Variants in RTN4RL1 observed in about 807,000 individuals in gnomAD.
The protein encoded by RTN4RL1 is reticulon-4 receptor-like 1.
RTN4RL1 carries 7 observed loss-of-function variants against 25.6 expected under a neutral mutation model. The observed-to-expected ratio is 0.27, with a 90% confidence interval of 0.16 to 0.51. RTN4RL1 has a LOEUF of 0.51. RTN4RL1 is among the 20% of genes least tolerant of loss of function. The pLI, the probability that RTN4RL1 is intolerant of heterozygous loss-of-function variation, is 0.97. For synonymous variants in RTN4RL1, 297 were observed against 288.2 expected (o/e 1.03, Z -0.31); for missense variants, 500 against 615.6 (o/e 0.81, Z 1.99).
At chr17:1,946,497 C>A (rs117330583) in intron 1 of RTN4RL1, among the ~76,000 whole-genome samples, 3 of 151,662 alleles carry the variant, frequency 2.0e-5, no homozygotes. Context: ...TGTGGGTGCA[C>A]GGGGTCTGCG....
chr17:1,938,594 G>A (rs941878354), intron 1 of RTN4RL1, among the ~76,000 whole-genome samples: 4 of 151,226 alleles, frequency 2.6e-5, no homozygotes, highest in Admixed American at 1.3e-4. Context: ...CACCGCGCCC[G>A]GCCAGAATCT....
chr17:2,024,907 C>CT lies in RTN4RL1; in HGVS notation c.-43dup. 1.9e-6 allele frequency: 3 copies of CT among 1,570,418 alleles called. No homozygotes were observed. The highest frequency in any genetic ancestry group is 2.6e-6 in the Non-Finnish European group (3 of 1,158,600). On this transcript the variant is annotated 5_prime_UTR_variant, in exon 1 of 2. Coordinates refer to ENST00000331238, the MANE Select transcript of RTN4RL1 (RefSeq NM_178568.4). Reference sequence around the variant, plus strand: ...CCGCTCCGAGGTCGGCCTAGGCGCACTCCCTCCCGGGGTCCAGATTCAAAT... The same window carrying CT: ...CCGCTCCGAGGTCGGCCTAGGCGCACTTCCCTCCCGGGGTCCAGATTCAAAT...
intron 1 of RTN4RL1, among the ~76,000 whole-genome samples, chr17:1,999,076 C>T (rs2066943654): frequency 7.2e-6 from 1 of 138,104 alleles, no homozygotes; most frequent in Admixed American, 7.7e-5. Context: ...CGCCAGTCTA[C>T]ACCAGACACA....
chr17:1,980,467 A>G (rs1274507422), intron 1 of RTN4RL1, among the ~76,000 whole-genome samples: 1 of 152,134 alleles, frequency 6.6e-6, no homozygotes, highest in Non-Finnish European at 1.5e-5. Context: ...AGCTTCGGCT[A>G]TTCGGTGGAG....
intron 1 of RTN4RL1, among the ~76,000 whole-genome samples, chr17:1,941,322 C>T (rs538263981): frequency 1.7e-4 from 26 of 152,210 alleles, no homozygotes; most frequent in Non-Finnish European, 2.8e-4. Flanking sequence ...GCCCCCACAT[C>T]CAGGAGTGGG....
intron 1 of RTN4RL1, among the ~76,000 whole-genome samples, chr17:1,960,542 C>G: frequency 6.6e-6 from 1 of 152,156 alleles, no homozygotes; most frequent in East Asian, 1.9e-4. Flanking sequence ...GCTTTGTTTT[C>G]TTGTAAAATA....
intron 1 of RTN4RL1, among the ~76,000 whole-genome samples, chr17:2,005,853 G>C (rs1002345582): frequency 3.4e-5 from 5 of 145,532 alleles, no homozygotes; most frequent in Admixed American, 3.4e-4. Context: ...CTGGAGTGCA[G>C]TGGCGCAATC....
At chr17:2,001,927 T>TGGGGGTGGGG (rs1555520650) in intron 1 of RTN4RL1, among the ~76,000 whole-genome samples, 7 of 146,248 alleles carry the variant, frequency 4.8e-5, no homozygotes, top group African/African-American at 1.3e-4. Context: ...ACTTCAGCCC[T>TGGGGGTGGGG]GGGGGAGGGG....
intron 1 of RTN4RL1, among the ~76,000 whole-genome samples, chr17:2,005,765 C>CT (rs1555520910): frequency 9.0e-5 from 13 of 143,880 alleles, no homozygotes; most frequent in African/African-American, 2.3e-4. Context: ...CTCTCTCTCT[C>CT]CTTCTCTTTC....
At chr17:1,952,331 G>GTTTTTTTTTTTTTTTTTTTTTTTT (rs1213295319) in intron 1 of RTN4RL1, among the ~76,000 whole-genome samples, 1 of 99,774 alleles carries the variant, frequency 1.0e-5, no homozygotes. Context: ...AAGGGAGGTT[G>GTTTTTTTTTTTTTTTTTTTTTTTT]GTTTTTTTTT....
intron 1 of RTN4RL1, among the ~76,000 whole-genome samples, chr17:2,014,398 C>A (rs914849449): frequency 2.6e-5 from 4 of 152,212 alleles, no homozygotes; most frequent in African/African-American, 7.2e-5. Context: ...CAGGACCCCC[C>A]ACTCTCCCCA....
At chr17:2,004,053 A>C (rs1173223219) in intron 1 of RTN4RL1, among the ~76,000 whole-genome samples, 3 of 151,318 alleles carry the variant, frequency 2.0e-5, no homozygotes, top group South Asian at 4.2e-4. Context: ...CCTGGGCAAC[A>C]GAGTGAGACC....
chr17:1,971,357 TA>T (rs1188532956), intron 1 of RTN4RL1, among the ~76,000 whole-genome samples: 1 of 152,246 alleles, frequency 6.6e-6, no homozygotes, highest in Non-Finnish European at 1.5e-5. Context: ...GTAGGTCAAT[TA>T]AACCTCTTTC....
intron 1 of RTN4RL1, 121 bp downstream of exon 1, chr17:2,024,732 A>ACCC: frequency 9.9e-7 from 1 of 1,014,352 alleles, no homozygotes; most frequent in Non-Finnish European, 1.4e-6. Context: ...GCCCGGCAAA[A>ACCC]CCCACCAGCC....
chr17:2,022,187 GCA>G (rs2067216879), intron 1 of RTN4RL1, among the ~76,000 whole-genome samples: 1 of 152,044 alleles, frequency 6.6e-6, no homozygotes, highest in Non-Finnish European at 1.5e-5. Context: ...ATGGTGGCGT[GCA>G]CCTGTAGTCC....
At chr17:1,992,532 C>A (rs996841737) in intron 1 of RTN4RL1, among the ~76,000 whole-genome samples, 2 of 152,314 alleles carry the variant, frequency 1.3e-5, no homozygotes, top group East Asian at 3.9e-4. Flanking sequence ...GTGCCTGGCA[C>A]GCAGTGACTG....
intron 1 of RTN4RL1, among the ~76,000 whole-genome samples, chr17:2,014,505 A>ATGAGC (rs2067093510): frequency 6.6e-6 from 1 of 152,256 alleles, no homozygotes; most frequent in Non-Finnish European, 1.5e-5. Flanking sequence ...TCTAGGCAGA[A>ATGAGC]TGAGCTGCTT....
intron 1 of RTN4RL1, among the ~76,000 whole-genome samples, chr17:2,013,961 A>G (rs574379409): frequency 6.6e-6 from 1 of 152,248 alleles, no homozygotes; most frequent in Non-Finnish European, 1.5e-5. Flanking sequence ...AGTGGTAATT[A>G]CTTGACCCAG....
intron 1 of RTN4RL1, among the ~76,000 whole-genome samples, chr17:2,021,928 G>A (rs1014814180): frequency 1.4e-4 from 21 of 146,450 alleles, no homozygotes; most frequent in South Asian, 1.3e-3. Flanking sequence ...GTACAATCTC[G>A]GCCCACTGCA....
Sources: allele counts gnomAD v4.1 joint callset (sites outside exome capture counted in the v4.1 genomes callset), GRCh38; gene constraint gnomAD v4.1.1; transcripts MANE v1.5; gene names NCBI Gene and HGNC (gene_info 2026-07-23, HGNC 2026-07-21).